Variants in TMEM74 observed in about 807,000 individuals in gnomAD.
The protein encoded by TMEM74 is transmembrane protein 74.
A neutral mutation model predicts 18.1 loss-of-function variants in TMEM74; 13 were observed. That is an observed-to-expected ratio of 0.72 (90% CI 0.47 to 1.14). The LOEUF is 1.14. Among genes scored for constraint, TMEM74 ranks in the 50% most tolerant of loss-of-function variants. TMEM74 has a pLI of 0.00. For missense variants in TMEM74, 372 were observed against 375.9 expected, an observed-to-expected ratio of 0.99 and a Z score of 0.09; for synonymous variants, 159 against 146.6, an observed-to-expected ratio of 1.08 and a Z score of -0.61.
intron 1 of TMEM74, among the ~76,000 whole-genome samples, chr8:108,751,355 T>A (rs1813903008): frequency 6.6e-6 from 1 of 152,138 alleles, no homozygotes; most frequent in Non-Finnish European, 1.5e-5. Flanking sequence ...TAGCTATAAA[T>A]ACACTTTGTA....
chr8:108,619,946 C>T (rs531955749), intron 2 of TMEM74, among the ~76,000 whole-genome samples: 27 of 152,156 alleles, frequency 1.8e-4, no homozygotes, highest in Non-Finnish European at 3.4e-4. Context: ...CTTTTTGCTG[C>T]TACTGCTGCC....
chr8:108,609,110 T>C (rs1812308487), intron 2 of TMEM74, among the ~76,000 whole-genome samples: 1 of 152,220 alleles, frequency 6.6e-6, no homozygotes, highest in African/African-American at 2.4e-5. Context: ...GTTTCCCTCT[T>C]TGATCATTGG....
chr8:108,712,083 C>T (rs1450429902), intron 1 of TMEM74, among the ~76,000 whole-genome samples: 3 of 151,990 alleles, frequency 2.0e-5, no homozygotes, highest in Admixed American at 6.6e-5. Context: ...GGATACCCAC[C>T]CCCAGATTAC....
intron 1 of TMEM74, among the ~76,000 whole-genome samples, chr8:108,686,679 GA>G (rs10716588): frequency 0.45 from 65,406 of 146,968 alleles, 14,713 homozygotes; most frequent in East Asian, 0.69. Context: ...AACATTTGTA[GA>G]AAAAAAAAAA....
In TMEM74 at chr8:108,780,570, T is replaced by C. The variant is rs1586295916; in HGVS notation, c.*3611A>G. 6.6e-6 allele frequency among the ~76,000 whole-genome samples: 1 copy of C among 152,232 alleles called. No individual in the cohort carries two copies. Among genetic ancestry groups the C allele is most frequent in the Non-Finnish European group, 1.5e-5 (1 of 68,042 alleles). ...CAGCGCAGTCTCTTTTCAGAAATTG[T>C]ACCTTGAAGGGCATGTGCCAGCACT... On this transcript the variant is annotated 3_prime_UTR_variant, in exon 2 of 2. Coordinates refer to ENST00000297459, the MANE Select transcript of TMEM74 (RefSeq NM_153015.3).
chr8:108,661,378 C>CTTTTTTTTTTT lies in TMEM74; in HGVS notation n.120-5952_120-5942dup, dbSNP rs760545466. On this transcript the variant is annotated intron_variant and non_coding_transcript_variant, in intron 1 of 3. Transcript: ENST00000518838. ...TATCTTTTTCCTCTCCCTTGCAGCT[C>CTTTTTTTTTTT]TTTTTTTTTTTTTTTTTTTTTTTCT... 6.9e-3 allele frequency among the ~76,000 whole-genome samples: 597 copies of CTTTTTTTTTTT among 86,702 alleles called. 3 individuals carry two copies. The highest frequency in any genetic ancestry group is 0.023 in the Middle Eastern group (2 of 86). 56.9% of individuals were successfully genotyped at this position (86,702 alleles called of 152,430 possible).
chr8:108,771,307 G>A (rs934515573), intron 1 of TMEM74, among the ~76,000 whole-genome samples: 5 of 152,118 alleles, frequency 3.3e-5, no homozygotes, highest in South Asian at 4.1e-4. Flanking sequence ...AGGGAACTTA[G>A]GAAGATTAAA....
intron 2 of TMEM74, among the ~76,000 whole-genome samples, chr8:108,628,178 T>C (rs1812514995): frequency 1.3e-5 from 2 of 152,090 alleles, no homozygotes; most frequent in Non-Finnish European, 2.9e-5. Context: ...CATTAGTTGA[T>C]AGTCTGGTCT....
At chr8:108,757,841 A>G (rs1319015775) in intron 1 of TMEM74, among the ~76,000 whole-genome samples, 1 of 151,938 alleles carries the variant, frequency 6.6e-6, no homozygotes, top group Non-Finnish European at 1.5e-5. Context: ...AACACGTTGT[A>G]GCTTACCCTC....
intron 1 of TMEM74, among the ~76,000 whole-genome samples, chr8:108,737,867 A>G (rs1813763668): frequency 6.6e-6 from 1 of 152,082 alleles, no homozygotes; most frequent in Non-Finnish European, 1.5e-5. Flanking sequence ...GGTACTCTCT[A>G]CTTTATTGAG....
At chr8:108,771,927 G>A (rs181251047) in intron 1 of TMEM74, among the ~76,000 whole-genome samples, 2 of 151,888 alleles carry the variant, frequency 1.3e-5, no homozygotes, top group Non-Finnish European at 2.9e-5. Context: ...GAAAAGTAAC[G>A]TATGAGGTAT....
chr8:108,664,527 GC>G (rs1213308828), intron 1 of TMEM74, among the ~76,000 whole-genome samples: 1 of 152,094 alleles, frequency 6.6e-6, no homozygotes, highest in Non-Finnish European at 1.5e-5. Flanking sequence ...AGATCAAAGA[GC>G]TTTTGGGAAG....
intron 2 of TMEM74, among the ~76,000 whole-genome samples, chr8:108,640,661 C>T (rs1335322448): frequency 6.6e-6 from 1 of 151,894 alleles, no homozygotes; most frequent in African/African-American, 2.4e-5. Context: ...AAAAAAATCA[C>T]AGTAATATCT....
At position 108,780,908 on chromosome 8, in the gene TMEM74, C is replaced by T. The variant is rs546366976; in HGVS notation, c.*3273G>A. On this transcript the variant is annotated 3_prime_UTR_variant, in exon 2 of 2. Transcript: ENST00000297459. ...CCCAATGGGTGGGAAGGACACACAG[C>T]GCTGCAAAGAAAACTCTTTGCAAAC... Among the ~76,000 whole-genome samples, 6 of 152,252 alleles carry T rather than the reference C, an allele frequency of 3.9e-5. No homozygotes were observed. The highest frequency in any genetic ancestry group is 2.1e-4 in the South Asian group (1 of 4,824).
intron 1 of TMEM74, among the ~76,000 whole-genome samples, chr8:108,701,730 G>A (rs898725868): frequency 6.6e-6 from 1 of 152,066 alleles, no homozygotes; most frequent in African/African-American, 2.4e-5. Flanking sequence ...AAACTCTGAT[G>A]CAAGAAATCA....
At chr8:108,731,759 T>C (rs1266258865) in intron 1 of TMEM74, among the ~76,000 whole-genome samples, 3 of 152,300 alleles carry the variant, frequency 2.0e-5, no homozygotes, top group Admixed American at 2.0e-4. Flanking sequence ...AGCCATACCA[T>C]GTCTTAATAA....
At chr8:108,667,680 A>G (rs1279927066) in intron 1 of TMEM74, among the ~76,000 whole-genome samples, 1 of 152,144 alleles carries the variant, frequency 6.6e-6, no homozygotes, top group Admixed American at 6.6e-5. Context: ...ATATTTTTTA[A>G]TGGTCTCATT....
intron 1 of TMEM74, among the ~76,000 whole-genome samples, chr8:108,765,425 T>TTTTTTTTTTTTTG (rs1814094864): frequency 6.7e-6 from 1 of 150,302 alleles, no homozygotes; most frequent in Non-Finnish European, 1.5e-5. Flanking sequence ...TTTTTTTTTT[T>TTTTTTTTTTTTTG]AGATGGAGTC....
intron 1 of TMEM74, among the ~76,000 whole-genome samples, chr8:108,756,093 A>G (rs571550689): frequency 6.6e-6 from 1 of 152,140 alleles, no homozygotes; most frequent in Non-Finnish European, 1.5e-5. Context: ...TTTGGAATGA[A>G]TTTGTTTCTG....
Sources: gnomAD v4.1 joint callset for allele counts (sites outside exome capture counted in the v4.1 genomes callset) on GRCh38, gnomAD v4.1.1 for gene constraint, MANE v1.5 for transcripts, NCBI Gene and HGNC (gene_info 2026-07-23, HGNC 2026-07-21) for gene names.